The following LPIN2 variants were observed in gnomAD, a reference collection of about 807,000 sequenced individuals.
LPIN2 encodes the protein phosphatidate phosphatase LPIN2.
In LPIN2, 55 loss-of-function variants were observed where a neutral mutation model predicts 111.4. The observed-to-expected ratio is 0.49, with a 90% confidence interval of 0.40 to 0.62. The LOEUF is 0.62. Among genes scored for constraint, LPIN2 ranks in the 20% least tolerant of loss-of-function variants. The probability of loss-of-function intolerance (pLI) is 0.00; values close to 1 mark genes in which losing one functional copy is unlikely to be tolerated. For missense variants in LPIN2, 992 were observed against 1,112.1 expected (o/e 0.89, Z 1.54); for synonymous variants, 425 against 414.0 (o/e 1.03, Z -0.32).
At chr18:2,975,523 G>T (rs772136039) in intron 1 of LPIN2, among the ~76,000 whole-genome samples, 2 of 152,038 alleles carry the variant, frequency 1.3e-5, no homozygotes, top group East Asian at 3.8e-4. Context: ...TAGTAGCGAC[G>T]GGGTTTCTCC....
chr18:2,978,039 A>G (rs2078048509), intron 1 of LPIN2, among the ~76,000 whole-genome samples: 1 of 152,020 alleles, frequency 6.6e-6, no homozygotes, highest in Non-Finnish European at 1.5e-5. Flanking sequence ...AAAAACACAA[A>G]AAGAAGCCGG....
chr18:2,968,787 T>C (rs1262813481), intron 1 of LPIN2, among the ~76,000 whole-genome samples: 1 of 152,194 alleles, frequency 6.6e-6, no homozygotes, highest in African/African-American at 2.4e-5. Flanking sequence ...AAGTTTATCA[T>C]GTGGGCAATG....
chr18:2,997,976 G>C (rs1170199406), intron 1 of LPIN2, among the ~76,000 whole-genome samples: 3 of 152,256 alleles, frequency 2.0e-5, no homozygotes, highest in Non-Finnish European at 2.9e-5. Flanking sequence ...CCGTGAGGCA[G>C]AGTTTCCAGT....
At chr18:2,960,898 T>C (rs2077702281) in intron 1 of LPIN2, 49 bp from the exon 2 acceptor site, 1 of 1,461,796 alleles carries the variant, frequency 6.8e-7, no homozygotes, top group African/African-American at 1.4e-5. Flanking sequence ...ATTTGTGATC[T>C]ATTGACAAAG....
At position 2,997,781 on chromosome 18, in the gene LPIN2, C is replaced by A. The variant is rs577484650; in HGVS notation, c.-10+15306G>T. Among the ~76,000 whole-genome samples the A allele has an allele frequency of 4.6e-5, 7 of 152,332 alleles. No homozygotes were observed. The South Asian group carries it at 1.4e-3, about 32-fold the overall frequency. On this transcript the variant is annotated intron_variant, in intron 1 of 19. Transcript: ENST00000677752. Reference sequence around the variant, plus strand: ...GAAGTAGCAGGAGGATTCCTTACCCCCCATGCCACAGACTTAGTTTTTCAA... The same window carrying A: ...GAAGTAGCAGGAGGATTCCTTACCCACCATGCCACAGACTTAGTTTTTCAA...
rs2078442530 is a variant in LPIN2 at position 3,002,143 on chromosome 18, C to A, written c.-10+10944G>T. 2.0e-5 allele frequency among the ~76,000 whole-genome samples: 3 copies of A among 149,358 alleles called. No homozygotes were observed. The Admixed American group carries it at 2.0e-4, about 10-fold the overall frequency. The stretch of plus-strand genomic sequence containing the variant: ...CTATTTCTTGACTGTCATGAAGATA[C>A]CACACTTACAGGGGGAAGGTCCATT... On this transcript the variant is annotated intron_variant, in intron 1 of 19. Coordinates refer to ENST00000677752, the MANE Select transcript of LPIN2 (RefSeq NM_001375808.2).
In LPIN2 at chr18:2,921,551, G is replaced by C. The variant is rs1368473706; in HGVS notation, c.2424C>G (p.Ala808=). Reference sequence around the variant, plus strand: ...TACTCACATTTGGACGGTTTCCAAAGGCAGCATAGAAGGGCTGCTTAGACG... The same window carrying C: ...TACTCACATTTGGACGGTTTCCAAACGCAGCATAGAAGGGCTGCTTAGACG... ...FAPSKQPFYA[A]FGNRPNDVYA... Residue 808 remains alanine (A), a synonymous_variant, in exon 18 of 20, where the codon GCC becomes GCG. Coordinates refer to ENST00000677752, the MANE Select transcript of LPIN2 (RefSeq NM_001375808.2). The C allele has an allele frequency of 6.2e-7, 1 of 1,613,542 alleles. No homozygotes were observed.
intron 1 of LPIN2, 118 bp from the exon 2 acceptor site, chr18:2,960,967 A>C: frequency 1.3e-6 from 1 of 785,936 alleles, no homozygotes. Context: ...TCATATCATT[A>C]GCCTTATTAA....
chr18:2,944,778 A>G (rs1021514944), intron 4 of LPIN2, among the ~76,000 whole-genome samples: 47 of 152,352 alleles, frequency 3.1e-4, no homozygotes, highest in Non-Finnish European at 8.8e-5. Flanking sequence ...ACAATTAGTC[A>G]TAACACCATA....
At chr18:2,956,451 G>A (rs993684872) in intron 2 of LPIN2, among the ~76,000 whole-genome samples, 3 of 152,080 alleles carry the variant, frequency 2.0e-5, no homozygotes, top group Admixed American at 6.5e-5. Flanking sequence ...ATCTTTGTTC[G>A]TAAATACTAT....
chr18:2,964,520 C>G (rs964451093), intron 1 of LPIN2, among the ~76,000 whole-genome samples: 1 of 152,152 alleles, frequency 6.6e-6, no homozygotes, highest in South Asian at 2.1e-4. Context: ...AGACCACGCT[C>G]TCTTTCCTTT....
At chr18:3,006,005 G>A (rs1358752644) in intron 1 of LPIN2, among the ~76,000 whole-genome samples, 1 of 152,206 alleles carries the variant, frequency 6.6e-6, no homozygotes, top group East Asian at 1.9e-4. Context: ...GGGGAGGCAG[G>A]TCATCGCTAC....
At chr18:2,935,843 T>C (rs1311384714) in intron 7 of LPIN2, among the ~76,000 whole-genome samples, 3 of 152,030 alleles carry the variant, frequency 2.0e-5, no homozygotes, top group Non-Finnish European at 4.4e-5. Context: ...CAAAAATGTA[T>C]AATAAAAAGT....
rs2077102331 is a variant in LPIN2, at chr18:2,924,516, C to A, written c.1969G>T (p.Asp657Tyr). 6.2e-7 allele frequency: 1 copy of A among 1,614,088 alleles called. No homozygotes were observed. The highest frequency in any genetic ancestry group is 1.1e-5 in the South Asian group (1 of 91,092). The change falls in exon 15 of 20, where the codon GAT becomes TAT. Residue 657 changes from aspartate to tyrosine, a missense_variant. By Grantham distance (160) the Asp-to-Tyr change is radical. Around this residue, in one of 4 missense-constraint regions of LPIN2, gnomAD observed 709 missense variants for 753.2 expected, o/e 0.94. Coordinates refer to ENST00000677752, the MANE Select transcript of LPIN2 (RefSeq NM_001375808.2). ...AKLKLHDGPN[D>Y]VVFSITTQYQ... is the part of the protein sequence containing the mutation. ...TGGGTTGTAATACTAAACACAACATCATTTGGGCCATCGTGGAGCTTCAGT... is the reference window on the plus strand; with the variant it reads ...TGGGTTGTAATACTAAACACAACATAATTTGGGCCATCGTGGAGCTTCAGT...
chr18:3,008,419 G>C (rs1220832894), intron 1 of LPIN2, among the ~76,000 whole-genome samples: 1 of 152,238 alleles, frequency 6.6e-6, no homozygotes, highest in Non-Finnish European at 1.5e-5. Flanking sequence ...TCCAGCCTGG[G>C]TGACCAAGTG....
intron 1 of LPIN2, among the ~76,000 whole-genome samples, chr18:2,976,242 A>G (rs1026488954): frequency 6.6e-6 from 1 of 152,228 alleles, no homozygotes; most frequent in African/African-American, 2.4e-5. Flanking sequence ...CCTGGGGTGA[A>G]GGTCTCTCAA....
At chr18:2,974,527 C>T (rs1222678293) in intron 1 of LPIN2, among the ~76,000 whole-genome samples, 2 of 152,212 alleles carry the variant, frequency 1.3e-5, no homozygotes, top group East Asian at 3.8e-4. Context: ...CACCTCTATA[C>T]TGGTGAAAAT....
At chr18:2,997,928 G>T (rs2078370408) in intron 1 of LPIN2, among the ~76,000 whole-genome samples, 1 of 152,236 alleles carries the variant, frequency 6.6e-6, no homozygotes. Context: ...GGAAGTGCCT[G>T]AAGTGTCTCC....
Position 2,917,187 on chromosome 18 carries a change from C to T in LPIN2, c.*3106G>A, listed in dbSNP as rs2076982345. On this transcript the variant is annotated 3_prime_UTR_variant, in exon 20 of 20. Coordinates refer to ENST00000677752, the MANE Select transcript of LPIN2 (RefSeq NM_001375808.2). Reference sequence around the variant, plus strand: ...ATTGCTGTCTAATAATCAAATACTTCATCATAGGCTGAACATAATTATTAA... The same window carrying T: ...ATTGCTGTCTAATAATCAAATACTTTATCATAGGCTGAACATAATTATTAA... 1 of 152,202 alleles carries T rather than the reference C, an allele frequency of 6.6e-6. No individual in the cohort carries two copies. The highest frequency in any genetic ancestry group is 1.5e-5 in the Non-Finnish European group (1 of 68,036). 9.4% of individuals were successfully genotyped at this position (152,202 alleles called of 1,614,324 possible).
Sources: gnomAD v4.1 joint callset for allele counts (sites outside exome capture counted in the v4.1 genomes callset) on GRCh38, gnomAD v4.1.1 for gene constraint, gnomAD v4.1.1 regional missense constraint, MANE v1.5 for transcripts, NCBI Gene and HGNC (gene_info 2026-07-23, HGNC 2026-07-21) for gene names.